The following BLTP1 variants were observed in gnomAD, a reference collection of about 807,000 sequenced individuals.
BLTP1 encodes the protein fragile site-associated protein.
the BLTP1 span, among the ~76,000 whole-genome samples, chr4:122,213,959 CAT>C: frequency 1.7e-4 from 26 of 152,034 alleles, no homozygotes; most frequent in Admixed American, 5.2e-4. Flanking sequence ...ATAGTGATAA[CAT>C]GTCAGTGGTA....
At chr4:122,331,955 A>G in the BLTP1 span, 9 of 189,064 alleles carry the variant, frequency 4.8e-5, no homozygotes, top group African/African-American at 1.4e-4. Flanking sequence ...CACAGACCTC[A>G]GTAGACTGAA....
At chr4:122,281,728 G>A in the BLTP1 span, 69 of 1,599,618 alleles carry the variant, frequency 4.3e-5, no homozygotes, top group East Asian at 1.3e-3. Flanking sequence ...TACCATCTCT[G>A]AAAGCAGAAT....
the BLTP1 span, among the ~76,000 whole-genome samples, chr4:122,259,634 G>C: frequency 6.6e-6 from 1 of 152,130 alleles, no homozygotes; most frequent in African/African-American, 2.4e-5. Context: ...GGCCAAGGCG[G>C]GTGGATCACA....
chr4:122,339,432 C>G, the BLTP1 span: 12 of 1,570,848 alleles, frequency 7.6e-6, no homozygotes, highest in East Asian at 2.7e-4. Context: ...TCTTTTATTC[C>G]TCTAGTATAA....
the BLTP1 span, among the ~76,000 whole-genome samples, chr4:122,253,934 C>T: frequency 6.6e-6 from 1 of 152,150 alleles, no homozygotes; most frequent in Admixed American, 6.5e-5. Context: ...CGATGGAGCT[C>T]TGATAAAACT....
chr4:122,343,584 G>T, the BLTP1 span: 1 of 1,613,896 alleles, frequency 6.2e-7, no homozygotes, highest in Admixed American at 1.7e-5. Context: ...GCTGTTTCTG[G>T]CCTCACACCT....
At chr4:122,290,545 TGG>T in the BLTP1 span, among the ~76,000 whole-genome samples, 1 of 151,836 alleles carries the variant, frequency 6.6e-6, no homozygotes, top group African/African-American at 2.4e-5. Context: ...CCCAGCACTT[TGG>T]GAGGCCGAGG....
At chr4:122,290,968 GTGT>G in the BLTP1 span, 4 of 873,754 alleles carry the variant, frequency 4.6e-6, no homozygotes, top group Non-Finnish European at 5.5e-6. Flanking sequence ...AAAAAAACAA[GTGT>G]TGTGGAGTTC....
the BLTP1 span, chr4:122,236,845 A>C: frequency 1.0e-6 from 1 of 985,260 alleles, no homozygotes; most frequent in African/African-American, 1.7e-5. Context: ...CCGAATTGCC[A>C]TAAGTTTCTT....
the BLTP1 span, chr4:122,167,571 A>G: frequency 3.8e-5 from 26 of 692,336 alleles, no homozygotes; most frequent in Non-Finnish European, 4.3e-5. Flanking sequence ...TCCTGCCCCT[A>G]CTGGCCATGG....
chr4:122,200,120 T>C, the BLTP1 span: 1,446 of 906,014 alleles, frequency 1.6e-3, 15 homozygotes, highest in African/African-American at 0.025. Context: ...ATATGACATA[T>C]GTAAATTAAG....
the BLTP1 span, chr4:122,196,899 T>C: frequency 1.9e-6 from 1 of 531,666 alleles, no homozygotes. Flanking sequence ...TTATATGAGC[T>C]GTTTTCCCTT....
the BLTP1 span, among the ~76,000 whole-genome samples, chr4:122,321,207 G>T: frequency 6.6e-6 from 1 of 151,844 alleles, no homozygotes; most frequent in Non-Finnish European, 1.5e-5. Flanking sequence ...TCAAAAAATC[G>T]TAAGTCAAAC....
At chr4:122,255,210 C>T in the BLTP1 span, 1 of 1,612,956 alleles carries the variant, frequency 6.2e-7, no homozygotes, top group East Asian at 2.2e-5. Flanking sequence ...GAAAATCCTT[C>T]ATGTTTACTA....
At chr4:122,228,365 C>A in the BLTP1 span, among the ~76,000 whole-genome samples, 1 of 152,148 alleles carries the variant, frequency 6.6e-6, no homozygotes, top group East Asian at 1.9e-4. Flanking sequence ...ATTTCTATCA[C>A]CTTAGAAAAT....
the BLTP1 span, chr4:122,226,318 T>C: frequency 2.8e-5 from 22 of 786,570 alleles, no homozygotes; most frequent in Non-Finnish European, 3.1e-5. Flanking sequence ...GATATTTAGA[T>C]ACTTTTTCAC....
At chr4:122,341,780 T>TA in the BLTP1 span, 4 of 985,396 alleles carry the variant, frequency 4.1e-6, no homozygotes, top group Non-Finnish European at 3.6e-6. Flanking sequence ...GGTCCATACT[T>TA]ACTAATGTGG....
chr4:122,242,795 A>G, the BLTP1 span: 1 of 155,322 alleles, frequency 6.4e-6, no homozygotes, highest in Non-Finnish European at 1.4e-5. Flanking sequence ...TACCCTCACA[A>G]CCCTGCTTTG....
chr4:122,184,466 G>A, the BLTP1 span: 38,094 of 152,436 alleles, frequency 0.25, 5,709 homozygotes, highest in Middle Eastern at 0.49. Flanking sequence ...TGGTGAAACC[G>A]CTTCTCTACT....
Sources: allele counts gnomAD v4.1 joint callset (sites outside exome capture counted in the v4.1 genomes callset), GRCh38; gene constraint gnomAD v4.1.1; transcripts MANE v1.5; gene names NCBI Gene and HGNC (gene_info 2026-07-23, HGNC 2026-07-21).